TAF4: variants seen among roughly 807,000 people sequenced by gnomAD.
TAF4 encodes transcription initiation factor TFIID subunit 4.
In TAF4, 9 loss-of-function variants were observed where a neutral mutation model predicts 90.3. The observed-to-expected ratio is 0.10, with a 90% CI of 0.06 to 0.17. The LOEUF is 0.17. Ranked by LOEUF, TAF4 falls within the 10% of genes least tolerant of loss-of-function variation. TAF4 has a pLI of 1.00. For missense variants in TAF4, 1,351 were observed against 1,370.7 expected (o/e 0.99, Z 0.23); for synonymous variants, 818 against 638.9 (o/e 1.28, Z -4.23).
In TAF4 at chr20:62,064,600, G is replaced by A. The variant is rs2056111274; in HGVS notation, c.1211C>T (p.Ala404Val). The change falls in exon 1 of 15, where the codon GCG (alanine) becomes GTG (valine). Residue 404 changes from alanine to valine, a missense_variant. Transcript: ENST00000252996. Reference protein sequence around the residue: ...PGTPTGLPKGAAGAVTQSLSR... With the variant: ...PGTPTGLPKGVAGAVTQSLSR... The stretch of plus-strand genomic sequence containing the variant: ...CAGGCTCTGGGTCACTGCGCCGGCC[G>A]CGCCTTTGGGCAGCCCGGTGGGGGT... 3 of 1,449,078 alleles carry A rather than the reference G, an allele frequency of 2.1e-6. No individual in the cohort carries two copies. The highest frequency in any genetic ancestry group is 3.0e-5 in the East Asian group (1 of 33,364). 89.8% of individuals were successfully genotyped at this position (1,449,078 alleles called of 1,614,324 possible).
Position 61,979,718 on chromosome 20 carries a change from C to T in TAF4, c.3091-3383G>A, listed in dbSNP as rs533370755. On this transcript the variant is annotated intron_variant, in intron 14 of 14. Transcript: ENST00000252996. ...ATGGCCACTCCAGAGGGACTGTGGC[C>T]CGTGCAGGCGCGGTGGCCACTCCAG... 2.1e-5 allele frequency among the ~76,000 whole-genome samples: 3 copies of T among 140,914 alleles called. No homozygotes were observed. The South Asian group carries it at 6.7e-4, about 32-fold the overall frequency. 92.4% of individuals were successfully genotyped at this position (140,914 alleles called of 152,430 possible). A position where few individuals can be genotyped will look rare whatever the true frequency, so the allele number is the denominator to read the frequency against.
intron 7 of TAF4, 103 bp from the exon 8 acceptor site, chr20:62,003,981 GC>G: frequency 7.2e-7 from 1 of 1,385,942 alleles, no homozygotes; most frequent in Non-Finnish European, 9.5e-7. Flanking sequence ...TGCACCCCAC[GC>G]CCCCAGTAAG....
chr20:62,003,969 T>C, intron 7 of TAF4, 91 bp from the exon 8 acceptor site: 3 of 1,440,122 alleles, frequency 2.1e-6, no homozygotes, highest in South Asian at 1.4e-5. Flanking sequence ...CTTCCCTTCC[T>C]TTGCACCCCA....
At chr20:61,984,120 A>G (rs1237192890) in intron 14 of TAF4, among the ~76,000 whole-genome samples, 2 of 152,224 alleles carry the variant, frequency 1.3e-5, no homozygotes, top group African/African-American at 4.8e-5. Context: ...AAACTAAGCC[A>G]GCAGCCGGAA....
chr20:61,982,462 C>A (rs1323429254), intron 14 of TAF4, among the ~76,000 whole-genome samples: 1 of 150,586 alleles, frequency 6.6e-6, no homozygotes, highest in Non-Finnish European at 1.5e-5. Context: ...AACACCAAAC[C>A]CACACCCCAC....
intron 1 of TAF4, among the ~76,000 whole-genome samples, chr20:62,033,566 G>A (rs1402625597): frequency 1.3e-5 from 2 of 151,984 alleles, no homozygotes; most frequent in Non-Finnish European, 2.9e-5. Flanking sequence ...GCGAAACCCC[G>A]TCTCTACTAA....
At chr20:62,054,151 T>G (rs2056047176) in intron 1 of TAF4, among the ~76,000 whole-genome samples, 2 of 152,236 alleles carry the variant, frequency 1.3e-5, no homozygotes, top group Non-Finnish European at 2.9e-5. Context: ...TTAGTGGTTT[T>G]AAGTTGTAAG....
At chr20:62,045,171 C>CA (rs1338421888) in intron 1 of TAF4, among the ~76,000 whole-genome samples, 2 of 152,230 alleles carry the variant, frequency 1.3e-5, no homozygotes. Context: ...CTCGCAAAGC[C>CA]ATGCCGCTCA....
chr20:61,977,337 C>T lies in TAF4; in HGVS notation c.3091-1002G>A, dbSNP rs530281907. ...CTGGCATGAAAACTAAGTTCTGCTC[C>T]GATGGTGAAAGCTGCTCACATATAT... On this transcript the variant is annotated intron_variant, in intron 14 of 14. Transcript: ENST00000252996. Among the ~76,000 whole-genome samples the T allele has an allele frequency of 6.6e-5, 10 of 152,358 alleles. No individual in the cohort carries two copies. The South Asian group carries it at 1.9e-3, about 28-fold the overall frequency.
At chr20:62,046,037 G>A (rs547979663) in intron 1 of TAF4, among the ~76,000 whole-genome samples, 1 of 152,296 alleles carries the variant, frequency 6.6e-6, no homozygotes, top group South Asian at 2.1e-4. Flanking sequence ...GCTGTTTCCC[G>A]CCAGGCCGCT....
intron 1 of TAF4, among the ~76,000 whole-genome samples, chr20:62,039,112 G>A (rs187913516): frequency 1.1e-4 from 16 of 152,224 alleles, no homozygotes; most frequent in African/African-American, 2.4e-4. Context: ...AGAAGTTGAC[G>A]AACTGATTCT....
chr20:61,998,470 A>G (rs560620125), intron 12 of TAF4, among the ~76,000 whole-genome samples: 2 of 152,344 alleles, frequency 1.3e-5, no homozygotes, highest in Admixed American at 1.3e-4. Flanking sequence ...ATGTGACCGC[A>G]TGATGGCAGG....
intron 11 of TAF4, among the ~76,000 whole-genome samples, chr20:61,999,532 G>A (rs1471674371): frequency 2.0e-5 from 3 of 152,240 alleles, no homozygotes; most frequent in Non-Finnish European, 4.4e-5. Flanking sequence ...GTGTTCATAT[G>A]TGACTGCTGG....
chr20:62,032,592 C>T (rs954318555), intron 1 of TAF4, among the ~76,000 whole-genome samples: 3 of 152,232 alleles, frequency 2.0e-5, no homozygotes, highest in Non-Finnish European at 4.4e-5. Flanking sequence ...ACTCAACTCC[C>T]AATGTTCTGC....
intron 1 of TAF4, among the ~76,000 whole-genome samples, chr20:62,046,560 A>C (rs1024746627): frequency 1.3e-5 from 2 of 152,202 alleles, no homozygotes; most frequent in African/African-American, 4.8e-5. Flanking sequence ...GCAGCATCTC[A>C]CCATACGGAT....
intron 9 of TAF4, among the ~76,000 whole-genome samples, chr20:62,002,833 G>T (rs1345300183): frequency 1.3e-5 from 2 of 152,136 alleles, no homozygotes; most frequent in Non-Finnish European, 2.9e-5. Flanking sequence ...TTGAATACAT[G>T]GAAAGTGAAG....
At chr20:62,009,995 T>C (rs1290974307) in intron 4 of TAF4, 51 bp downstream of exon 4, 6 of 1,606,562 alleles carry the variant, frequency 3.7e-6, no homozygotes, top group Non-Finnish European at 5.1e-6. Flanking sequence ...TTTTCTGACC[T>C]GCGCCACGGG....
intron 14 of TAF4, among the ~76,000 whole-genome samples, chr20:61,977,994 A>G (rs1469178662): frequency 6.6e-6 from 1 of 152,244 alleles, no homozygotes; most frequent in African/African-American, 2.4e-5. Context: ...AGGGTAAGAA[A>G]TCAAGATATT....
intron 1 of TAF4, among the ~76,000 whole-genome samples, chr20:62,031,056 A>G (rs547984334): frequency 1.3e-5 from 2 of 152,208 alleles, no homozygotes; most frequent in African/African-American, 2.4e-5. Flanking sequence ...CTTTAGGTGA[A>G]AGGCTTCTGT....
Sources: allele counts gnomAD v4.1 joint callset (sites outside exome capture counted in the v4.1 genomes callset), GRCh38; gene constraint gnomAD v4.1.1; transcripts MANE v1.5; gene names NCBI Gene and HGNC (gene_info 2026-07-23, HGNC 2026-07-21).